TAFA2: variants seen among roughly 807,000 people sequenced by gnomAD.
TAFA2 encodes chemokine-like protein TAFA-2.
In TAFA2, 7 loss-of-function variants were observed where a neutral mutation model predicts 18.8. The observed-to-expected ratio is 0.37, with a 90% CI of 0.21 to 0.70. The LOEUF (loss-of-function observed/expected upper bound fraction) is 0.70, where lower values mean the gene tolerates loss of function less well. TAFA2 is among the 30% of genes least tolerant of loss of function. The pLI is 0.53. For missense variants in TAFA2, 122 were observed against 158.1 expected (o/e 0.77, Z 1.23); for synonymous variants, 60 against 54.2 (o/e 1.11, Z -0.47).
intron 1 of TAFA2, among the ~76,000 whole-genome samples, chr12:62,144,086 A>G (rs1053340849): frequency 6.7e-6 from 1 of 149,766 alleles, no homozygotes; most frequent in Admixed American, 6.7e-5. Flanking sequence ...TAAAACTCTC[A>G]TACGATGACC....
chr12:62,059,909 A>G (rs1882300037), intron 1 of TAFA2, among the ~76,000 whole-genome samples: 1 of 152,162 alleles, frequency 6.6e-6, no homozygotes, highest in Non-Finnish European at 1.5e-5. Context: ...CTACTATATT[A>G]AAATATTTTT....
At chr12:61,715,129 G>A (rs1214920046) in intron 4 of TAFA2, among the ~76,000 whole-genome samples, 1 of 152,040 alleles carries the variant, frequency 6.6e-6, no homozygotes, top group Non-Finnish European at 1.5e-5. Context: ...AGATACAAAA[G>A]GTGATACATA....
intron 1 of TAFA2, among the ~76,000 whole-genome samples, chr12:62,085,240 A>T (rs1365169422): frequency 6.6e-6 from 1 of 152,164 alleles, no homozygotes; most frequent in Non-Finnish European, 1.5e-5. Context: ...CCTAAAGAAA[A>T]TGAAAAGTGC....
intron 2 of TAFA2, among the ~76,000 whole-genome samples, chr12:61,764,007 T>A (rs1869676464): frequency 6.6e-6 from 1 of 152,074 alleles, no homozygotes; most frequent in South Asian, 2.1e-4. Flanking sequence ...ATTAAAGCTA[T>A]AATTAACAAA....
chr12:61,920,144 T>C (rs1876990186), intron 1 of TAFA2, among the ~76,000 whole-genome samples: 1 of 152,198 alleles, frequency 6.6e-6, no homozygotes, highest in African/African-American at 2.4e-5. Context: ...ACTTAGATGG[T>C]AAATGAGACA....
intron 1 of TAFA2, among the ~76,000 whole-genome samples, chr12:62,039,704 A>G (rs1245005505): frequency 6.6e-6 from 1 of 152,208 alleles, no homozygotes; most frequent in Admixed American, 6.5e-5. Context: ...TAACTGTTGC[A>G]TGAACAATCC....
In TAFA2 at chr12:61,970,726, G is replaced by A. The variant is rs1879218748; in HGVS notation, c.-1-103300C>T. Among the ~76,000 whole-genome samples the A allele has an allele frequency of 2.0e-5, 3 of 150,976 alleles. No individual in the cohort carries two copies. In the Admixed American group the frequency reaches 2.0e-4, roughly 10 times the overall value. ...ACCAAGAAATAATCACCGAGAAGTA[G>A]TTATAGAAACAAGAGTCACCAGTTT... On this transcript the variant is annotated intron_variant, in intron 1 of 4. Transcript: ENST00000416284.
At chr12:62,155,701 C>T (rs571180226) in intron 1 of TAFA2, among the ~76,000 whole-genome samples, 2 of 152,212 alleles carry the variant, frequency 1.3e-5, no homozygotes, top group African/African-American at 4.8e-5. Context: ...GGAAAGGACA[C>T]CCTTTTCAAC....
chr12:61,864,633 C>T (rs1320338620), intron 2 of TAFA2, among the ~76,000 whole-genome samples: 2 of 151,344 alleles, frequency 1.3e-5, no homozygotes, highest in East Asian at 1.9e-4. Flanking sequence ...ATTAGTCGGG[C>T]GTGGTGGTGG....
At chr12:62,130,455 A>G (rs1347639601) in intron 1 of TAFA2, among the ~76,000 whole-genome samples, 1 of 152,046 alleles carries the variant, frequency 6.6e-6, no homozygotes, top group Non-Finnish European at 1.5e-5. Flanking sequence ...ATAAATTAAT[A>G]TTGCAAATAA....
chr12:61,989,245 G>T (rs1879916583), intron 1 of TAFA2, among the ~76,000 whole-genome samples: 1 of 152,100 alleles, frequency 6.6e-6, no homozygotes, highest in Non-Finnish European at 1.5e-5. Flanking sequence ...CTCTCACCAA[G>T]ATGTAGAAAA....
chr12:62,086,004 T>C (rs1565739683), intron 1 of TAFA2, among the ~76,000 whole-genome samples: 1 of 152,108 alleles, frequency 6.6e-6, no homozygotes, highest in East Asian at 1.9e-4. Flanking sequence ...TTTCTTGCTT[T>C]CCCTTCTCCT....
intron 2 of TAFA2, among the ~76,000 whole-genome samples, chr12:61,777,001 T>G (rs1204906180): frequency 6.6e-6 from 1 of 151,900 alleles, no homozygotes; most frequent in Non-Finnish European, 1.5e-5. Context: ...AAGTGGATAC[T>G]GAGCAAGCGG....
chr12:62,230,094 T>C (rs1374143877), intron 1 of TAFA2, among the ~76,000 whole-genome samples: 1 of 152,140 alleles, frequency 6.6e-6, no homozygotes, highest in Non-Finnish European at 1.5e-5. Context: ...CATTTCTGAT[T>C]TTATTTATTT....
At chr12:62,156,109 A>G (rs1037946167) in intron 1 of TAFA2, among the ~76,000 whole-genome samples, 6 of 152,230 alleles carry the variant, frequency 3.9e-5, no homozygotes, top group African/African-American at 1.2e-4. Context: ...AAAGAAAGAA[A>G]CAATCCCATC....
Position 61,859,161 on chromosome 12 carries a change from G to A in TAFA2, c.106+8159C>T, listed in dbSNP as rs1592439841. Among the ~76,000 whole-genome samples, 4 of 152,332 alleles carry A rather than the reference G, an allele frequency of 2.6e-5. 1 individual carries two copies. Among genetic ancestry groups the A allele is most frequent in the Admixed American group, 2.0e-4 (3 of 15,302 alleles). The stretch of plus-strand genomic sequence containing the variant: ...AAGGCCTCAGGAAACTTAAAATCAT[G>A]GCCCAAGGCAAAAGAGAAGCAGGCA... On this transcript the variant is annotated intron_variant, in intron 2 of 4. Transcript: ENST00000416284.
At chr12:61,834,535 G>T (rs1872841644) in intron 2 of TAFA2, among the ~76,000 whole-genome samples, 1 of 152,046 alleles carries the variant, frequency 6.6e-6, no homozygotes, top group South Asian at 2.1e-4. Context: ...AACACCTGCA[G>T]GTTATAAGTC....
intron 1 of TAFA2, among the ~76,000 whole-genome samples, chr12:62,047,725 C>T (rs991961974): frequency 6.6e-6 from 1 of 152,080 alleles, no homozygotes; most frequent in African/African-American, 2.4e-5. Flanking sequence ...TGTCATTTTA[C>T]TACCTAAGAA....
intron 1 of TAFA2, among the ~76,000 whole-genome samples, chr12:62,225,105 T>A (rs71465144): frequency 0.028 from 4,106 of 149,112 alleles, 78 homozygotes; most frequent in Non-Finnish European, 0.04. Flanking sequence ...TAAAAAAATT[T>A]AAAAAAAAAA....
Sources: allele counts gnomAD v4.1 joint callset (sites outside exome capture counted in the v4.1 genomes callset), GRCh38; gene constraint gnomAD v4.1.1; transcripts MANE v1.5; gene names NCBI Gene and HGNC (gene_info 2026-07-23, HGNC 2026-07-21).